The following PCDHA5 variants were observed in gnomAD, a reference collection of about 807,000 sequenced individuals.
PCDHA5 encodes protocadherin alpha-5.
PCDHA5 carries 43 observed loss-of-function variants against 61.6 expected under a neutral mutation model. The ratio of observed to expected loss-of-function variants is 0.70; its 90% CI spans 0.55 to 0.90. The LOEUF (loss-of-function observed/expected upper bound fraction) is 0.90. Among genes scored for constraint, PCDHA5 ranks in the 40% least tolerant of loss-of-function variants. The pLI is 0.00. For synonymous variants in PCDHA5, 627 were observed against 543.9 expected, an observed-to-expected ratio of 1.15 and a Z score of -2.13; for missense variants, 1,298 against 1,222.7, an observed-to-expected ratio of 1.06 and a Z score of -0.92.
At chr5:140,968,657 G>C in intron 1 of PCDHA5, 1 of 1,614,142 alleles carries the variant, frequency 6.2e-7, no homozygotes, top group Non-Finnish European at 8.5e-7. Context: ...TTCTGACCTG[G>C]ACCTCTTTAA....
intron 1 of PCDHA5, chr5:140,857,847 CTG>C: frequency 6.3e-7 from 1 of 1,597,872 alleles, no homozygotes; most frequent in Non-Finnish European, 8.6e-7. Flanking sequence ...GACGCTGACT[CTG>C]GATACAACGC....
chr5:140,901,539 A>C (rs192107124), intron 1 of PCDHA5, among the ~76,000 whole-genome samples: 1 of 151,952 alleles, frequency 6.6e-6, no homozygotes, highest in African/African-American at 2.4e-5. Context: ...TTGGTTCTCT[A>C]TTCTGTTCCA....
chr5:140,850,095 C>T lies in PCDHA5; in HGVS notation c.2352+25968C>T, dbSNP rs139719626. 631 of 1,596,304 alleles carry T rather than the reference C, an allele frequency of 4.0e-4. 37 individuals are homozygous for T. In the African/African-American group the frequency reaches 7.2e-3, roughly 18 times the overall value. On this transcript the variant is annotated intron_variant, in intron 1 of 3. Transcript: ENST00000529859. ...CGAGGAGCTGGAGCTGCTACAGTTC[C>T]AGGTGAGCGCGCGCGACGCGGGCGT...
intron 1 of PCDHA5, chr5:140,870,222 G>A: frequency 6.2e-7 from 1 of 1,614,180 alleles, no homozygotes; most frequent in African/African-American, 1.3e-5. Flanking sequence ...TGATCAGCGT[G>A]TCTGACCGTG....
chr5:140,877,840 G>A, intron 1 of PCDHA5: 1 of 1,580,394 alleles, frequency 6.3e-7, no homozygotes, highest in South Asian at 1.2e-5. Context: ...TCCCAGTGAA[G>A]TAAGTTATTA....
intron 1 of PCDHA5, among the ~76,000 whole-genome samples, chr5:140,945,934 T>C (rs1161156525): frequency 2.0e-5 from 3 of 152,092 alleles, no homozygotes; most frequent in African/African-American, 4.8e-5. Context: ...TGAGCAATGA[T>C]GTTTTTTATA....
chr5:140,963,829 A>G (rs1460358277), intron 1 of PCDHA5, among the ~76,000 whole-genome samples: 1 of 152,180 alleles, frequency 6.6e-6, no homozygotes, highest in African/African-American at 2.4e-5. Context: ...CTTTACATAC[A>G]TTTTCTCATG....
At chr5:140,829,578 A>G in intron 1 of PCDHA5, 1 of 1,612,330 alleles carries the variant, frequency 6.2e-7, no homozygotes, top group East Asian at 2.2e-5. Context: ...TCGCTGGTGG[A>G]GCGGCGGGTG....
In PCDHA5 at chr5:140,926,166, C is replaced by G. The variant is rs116217295; in HGVS notation, c.2353-52783C>G. 1.9e-3 allele frequency among the ~76,000 whole-genome samples: 292 copies of G among 151,864 alleles called. 1 individual carries two copies. The highest frequency in any genetic ancestry group is 6.7e-3 in the African/African-American group (280 of 41,552). ...AGCGCGGAAAGCTCTGCAGCAGGAT[C>G]CAGCGCGGAAAGCCCCCCGCAGCAC... On this transcript the variant is annotated intron_variant, in intron 1 of 3. Coordinates refer to ENST00000529859, the MANE Select transcript of PCDHA5 (RefSeq NM_018908.3).
intron 1 of PCDHA5, chr5:140,882,780 G>T: frequency 1.2e-6 from 2 of 1,614,160 alleles, no homozygotes; most frequent in Non-Finnish European, 1.7e-6. Context: ...TTGACCTACC[G>T]ACTGGATCCC....
intron 1 of PCDHA5, chr5:140,829,492 C>G (rs1770340473): frequency 1.2e-6 from 2 of 1,613,578 alleles, no homozygotes; most frequent in Non-Finnish European, 1.7e-6. Flanking sequence ...TGAAGGAGAA[C>G]AACCCGCCGG....
chr5:140,866,238 A>G (rs1317266389), intron 1 of PCDHA5: 2 of 152,166 alleles, frequency 1.3e-5, no homozygotes, highest in Admixed American at 1.3e-4. Context: ...ACTATATACC[A>G]AAAATGACAC....
intron 1 of PCDHA5, chr5:140,857,943 C>G: frequency 6.3e-7 from 1 of 1,597,460 alleles, no homozygotes. Context: ...GAGATCAGTA[C>G]GACGCGCGCT....
Position 140,885,566 on chromosome 5 carries a change from G to A in PCDHA5, c.2352+61439G>A, listed in dbSNP as rs190303990. On this transcript the variant is annotated intron_variant, in intron 1 of 3. Transcript: ENST00000529859. The stretch of plus-strand genomic sequence containing the variant: ...TGGTGTTATTTCTACGAAATTGATT[G>A]TCAGATGTGGAATTGATGCATCAAA... Among the ~76,000 whole-genome samples, 467 of 152,160 alleles carry A rather than the reference G, an allele frequency of 3.1e-3. 3 individuals carry two copies. The highest frequency in any genetic ancestry group is 0.014 in the Middle Eastern group (4 of 294).
intron 1 of PCDHA5, among the ~76,000 whole-genome samples, chr5:140,892,286 C>A (rs2063458721): frequency 1.3e-5 from 2 of 152,136 alleles, no homozygotes; most frequent in South Asian, 4.1e-4. Flanking sequence ...TTAAACACTT[C>A]TTCCTGGAAA....
At chr5:140,947,896 G>A (rs1355775996) in intron 1 of PCDHA5, among the ~76,000 whole-genome samples, 5 of 151,478 alleles carry the variant, frequency 3.3e-5, no homozygotes, top group Non-Finnish European at 7.4e-5. Context: ...AACAGAAGTG[G>A]TGAGAGCAGA....
intron 1 of PCDHA5, chr5:140,871,073 C>T (rs782763189): frequency 1.1e-5 from 18 of 1,613,090 alleles, no homozygotes; most frequent in Non-Finnish European, 1.4e-5. Context: ...GGTGAGCCGG[C>T]GCTGACGGCC....
At chr5:140,950,997 A>G (rs782438146) in intron 1 of PCDHA5, among the ~76,000 whole-genome samples, 6 of 151,460 alleles carry the variant, frequency 4.0e-5, no homozygotes, top group Non-Finnish European at 7.4e-5. Flanking sequence ...TTTTAGCTCC[A>G]TTTTTCCCAA....
At chr5:140,942,418 A>G (rs1554214971) in intron 1 of PCDHA5, among the ~76,000 whole-genome samples, 2 of 152,146 alleles carry the variant, frequency 1.3e-5, no homozygotes, top group South Asian at 2.1e-4. Flanking sequence ...TTAAAAAAAA[A>G]AAAGATATCT....
Sources: allele counts gnomAD v4.1 joint callset (sites outside exome capture counted in the v4.1 genomes callset), GRCh38; gene constraint gnomAD v4.1.1; transcripts MANE v1.5; gene names NCBI Gene and HGNC (gene_info 2026-07-23, HGNC 2026-07-21).